NLN: variants seen among roughly 807,000 people sequenced by gnomAD.
NLN encodes neurolysin, also known as neurolysin, mitochondrial.
In NLN, 64 loss-of-function variants were observed where a neutral mutation model predicts 79.9. The observed-to-expected ratio is 0.80, with a 90% CI of 0.65 to 0.99. The LOEUF (loss-of-function observed/expected upper bound fraction) is 0.99, where lower values mean the gene tolerates loss of function less well. Ranked by LOEUF, NLN falls within the 50% of genes least tolerant of loss-of-function variation. The probability of loss-of-function intolerance (pLI) is 0.00; values close to 1 mark genes in which losing one functional copy is unlikely to be tolerated. For missense variants in NLN, 835 were observed against 858.7 expected (o/e 0.97, Z 0.34); for synonymous variants, 267 against 296.6 (o/e 0.90, Z 1.02).
chr5:65,767,408 C>CAGCTGG (rs1415814199), intron 3 of NLN, among the ~76,000 whole-genome samples: 4 of 152,320 alleles, frequency 2.6e-5, no homozygotes, highest in South Asian at 2.1e-4. Context: ...CCTTTTAGCC[C>CAGCTGG]AGCTGGAGCT....
intron 1 of NLN, among the ~76,000 whole-genome samples, chr5:65,758,298 A>T (rs549023289): frequency 6.6e-6 from 1 of 152,290 alleles, no homozygotes; most frequent in East Asian, 1.9e-4. Flanking sequence ...TAGCTCCAAC[A>T]CCTGACTTTA....
At chr5:65,739,003 A>AT (rs1758810463) in intron 1 of NLN, among the ~76,000 whole-genome samples, 2 of 142,080 alleles carry the variant, frequency 1.4e-5, no homozygotes, top group African/African-American at 5.2e-5. Flanking sequence ...TATATTTTAT[A>AT]ATATATATTT....
chr5:65,738,734 C>A (rs1281090745), intron 1 of NLN, among the ~76,000 whole-genome samples: 2 of 151,178 alleles, frequency 1.3e-5, no homozygotes, highest in Non-Finnish European at 2.9e-5. Flanking sequence ...CAGCAGTCAC[C>A]TCAGCTGCTA....
rs539755882 is a variant in NLN, at chr5:65,828,107, G to A, written c.*5192G>A. On this transcript the variant is annotated 3_prime_UTR_variant, in exon 13 of 13. Coordinates refer to ENST00000380985, the MANE Select transcript of NLN (RefSeq NM_020726.5). ...GACACATTCCATTACCCAGGTAAAA[G>A]AAGGGGAAGCCTGACTTGATAGTAG... is the stretch of plus-strand genomic sequence containing the variant. 1.9e-4 allele frequency: 29 copies of A among 152,340 alleles called. No individual in the cohort carries two copies. Among genetic ancestry groups the A allele is most frequent in the African/African-American group, 7.0e-4 (29 of 41,584 alleles). The allele number at this position is 152,340 out of a possible 1,614,324, so 9.4% of individuals were successfully genotyped here.
At chr5:65,726,681 T>G (rs1019969159) in intron 1 of NLN, among the ~76,000 whole-genome samples, 41 of 152,200 alleles carry the variant, frequency 2.7e-4, no homozygotes, top group African/African-American at 9.9e-4. Flanking sequence ...GCCAAAAAAT[T>G]ATTACCTTGT....
At chr5:65,758,536 T>C (rs1759268957) in intron 1 of NLN, 31 bp from the exon 2 acceptor site, 5 of 1,539,610 alleles carry the variant, frequency 3.2e-6, no homozygotes, top group Admixed American at 1.7e-5. Context: ...CAGAAATCCC[T>C]AATTCTTATT....
chr5:65,731,008 T>C (rs895105034), intron 1 of NLN, among the ~76,000 whole-genome samples: 1 of 152,246 alleles, frequency 6.6e-6, no homozygotes, highest in Admixed American at 6.5e-5. Context: ...AGATTTTGGC[T>C]GGGCAGTTTT....
chr5:65,788,828 C>G (rs1759993991), intron 8 of NLN, among the ~76,000 whole-genome samples: 1 of 152,102 alleles, frequency 6.6e-6, no homozygotes, highest in Non-Finnish European at 1.5e-5. Flanking sequence ...AAAAATTAGC[C>G]AGGTGTAGTG....
intron 11 of NLN, among the ~76,000 whole-genome samples, chr5:65,810,967 A>G (rs1760531252): frequency 6.6e-6 from 1 of 152,178 alleles, no homozygotes; most frequent in South Asian, 2.1e-4. Flanking sequence ...TGACACAGTG[A>G]GACCCTGTCT....
At chr5:65,785,949 A>T in intron 7 of NLN, 39 bp downstream of exon 7, 2 of 1,588,870 alleles carry the variant, frequency 1.3e-6, no homozygotes, top group Non-Finnish European at 1.7e-6. Context: ...GTTTTGCTAT[A>T]CCATGTCAAC....
intron 1 of NLN, among the ~76,000 whole-genome samples, chr5:65,755,358 A>G (rs1158476048): frequency 1.3e-5 from 2 of 152,184 alleles, no homozygotes; most frequent in East Asian, 3.8e-4. Context: ...TCTTGTATAA[A>G]CTACACCTAT....
chr5:65,822,820 G>A lies in NLN; in HGVS notation c.2020G>A (p.Gly674Arg), dbSNP rs138462858. ...KYRNLILKPG[G>R]SLDGMDMLHN... is the part of the protein sequence containing the mutation. ...CAGAAACCTAATCCTGAAACCTGGG[G>A]GATCTCTGGACGGCATGGACATGCT... The change falls in exon 13 of 13, where the codon GGA becomes AGA. Residue 674 changes from glycine to arginine, a missense_variant. Gly to Arg is a moderately radical substitution (Grantham distance 125, BLOSUM62 -2). Transcript: ENST00000380985. 1.9e-6 allele frequency: 3 copies of A among 1,611,632 alleles called. No homozygotes were observed. Among genetic ancestry groups the A allele is most frequent in the Non-Finnish European group, 2.5e-6 (3 of 1,177,788 alleles).
At position 65,815,847 on chromosome 5, in the gene NLN, A is replaced by G. The variant is rs1760658511; in HGVS notation, c.1980+3456A>G. ...CCTTACAAAATACAGGTACCCAGTTATTAAAAATTAATGCTTTGGGACAAC... is the reference window on the plus strand; with the variant it reads ...CCTTACAAAATACAGGTACCCAGTTGTTAAAAATTAATGCTTTGGGACAAC... On this transcript the variant is annotated intron_variant, in intron 12 of 12. Coordinates refer to ENST00000380985, the MANE Select transcript of NLN (RefSeq NM_020726.5). Among the ~76,000 whole-genome samples, 4 of 152,326 alleles carry G rather than the reference A, an allele frequency of 2.6e-5. No homozygotes were observed. In the South Asian group the frequency reaches 8.3e-4, roughly 32 times the overall value.
Position 65,829,266 on chromosome 5 carries a change from A to G in NLN, c.*6351A>G. 1 of 152,330 alleles carries G rather than the reference A, an allele frequency of 6.6e-6. No homozygotes were observed. The highest frequency in any genetic ancestry group is 3.4e-3 in the Middle Eastern group (1 of 294). The allele number at this position is 152,330 out of a possible 1,614,324, so 9.4% of individuals were successfully genotyped here. On this transcript the variant is annotated 3_prime_UTR_variant, in exon 13 of 13. Coordinates refer to ENST00000380985, the MANE Select transcript of NLN (RefSeq NM_020726.5). ...GTTCATACATGTTTGTTAAATAAAT[A>G]TACCTTCTTTAAAATTATCTTTTGT...
intron 4 of NLN, among the ~76,000 whole-genome samples, chr5:65,778,498 G>C (rs1759727447): frequency 6.6e-6 from 1 of 152,180 alleles, no homozygotes; most frequent in Non-Finnish European, 1.5e-5. Context: ...AGTTAGAGGA[G>C]AAATGTGATT....
At chr5:65,731,752 T>C (rs1305699701) in intron 1 of NLN, among the ~76,000 whole-genome samples, 7 of 104,770 alleles carry the variant, frequency 6.7e-5, no homozygotes, top group African/African-American at 2.3e-4. Flanking sequence ...CTTTTTTTTT[T>C]TTTTTTTTTT....
intron 8 of NLN, among the ~76,000 whole-genome samples, chr5:65,791,431 A>T (rs907978550): frequency 1.3e-5 from 2 of 152,030 alleles, no homozygotes; most frequent in Non-Finnish European, 2.9e-5. Flanking sequence ...GGTGGCAGGC[A>T]CTTGTAGTCC....
At chr5:65,811,904 G>A (rs1760555759) in intron 11 of NLN, among the ~76,000 whole-genome samples, 4 of 152,198 alleles carry the variant, frequency 2.6e-5, no homozygotes. Context: ...GTGTGGCAAA[G>A]AGTAGGGTTA....
Position 65,781,432 on chromosome 5 carries a change from T to C in NLN, c.822+11T>C, listed in dbSNP as rs1188707990. ...ACAAGGTGCAAAGAGGTATTATAAA[T>C]GTTTGTCTTTCTTTTGTTTTTAATG... On this transcript the variant is annotated intron_variant, in intron 6 of 12. Coordinates refer to ENST00000380985, the MANE Select transcript of NLN (RefSeq NM_020726.5). 2 of 1,578,470 alleles carry C rather than the reference T, an allele frequency of 1.3e-6. No homozygotes were observed. The highest frequency in any genetic ancestry group is 1.7e-6 in the Non-Finnish European group (2 of 1,155,004).
Sources: allele counts gnomAD v4.1 joint callset (sites outside exome capture counted in the v4.1 genomes callset), GRCh38; gene constraint gnomAD v4.1.1; transcripts MANE v1.5; gene names NCBI Gene and HGNC (gene_info 2026-07-23, HGNC 2026-07-21).